DMD: variants seen among roughly 807,000 people sequenced by gnomAD.
The protein encoded by DMD is mutant dystrophin.
DMD carries 63 observed loss-of-function variants against 330.1 expected under a neutral mutation model. That is an observed-to-expected ratio of 0.19 (90% CI 0.16 to 0.24). The LOEUF (loss-of-function observed/expected upper bound fraction) is 0.24. Ranked by LOEUF, DMD falls within the 10% of genes least tolerant of loss-of-function variation. The pLI, the probability that DMD is intolerant of heterozygous loss-of-function variation, is 1.00. For missense variants in DMD, 3,344 were observed against 2,684.1 expected, an observed-to-expected ratio of 1.25 and a Z score of -5.43; for synonymous variants, 1,223 against 959.8, an observed-to-expected ratio of 1.27 and a Z score of -5.07.
At position 32,534,086 on chromosome X, in the gene DMD, T is replaced by A. The variant is rs373522110; in HGVS notation, c.2168+11073A>T. On this transcript the variant is annotated intron_variant, in intron 17 of 78. Coordinates refer to ENST00000357033, the MANE Select transcript of DMD (RefSeq NM_004006.3). The stretch of plus-strand genomic sequence containing the variant: ...TACTCATTGCTTAACAAAGCCGGTT[T>A]TTAGTCAGCTAGCACTTACATAACA... Among the ~76,000 whole-genome samples, 6 of 112,095 alleles carry A rather than the reference T, an allele frequency of 5.4e-5. No homozygotes were observed. In the East Asian group the frequency reaches 1.7e-3, roughly 32 times the overall value.
intron 44 of DMD, among the ~76,000 whole-genome samples, chrX:32,066,097 ATTAAC>A (rs967286369): frequency 9.0e-6 from 1 of 111,342 alleles, no homozygotes; most frequent in Non-Finnish European, 1.9e-5. Context: ...AATCAGATTG[ATTAAC>A]TTATCAGTGG....
At position 31,239,979 on chromosome X, in the gene DMD, A is replaced by G. The variant is rs766166774; in HGVS notation, c.9287-16858T>C. ...TCTCTGTACTTCTGATGATCAGCTT[A>G]ATTTCCCATTTGAATAATGATTTTT... is the stretch of plus-strand genomic sequence containing the variant. On this transcript the variant is annotated intron_variant, in intron 63 of 78. Coordinates refer to ENST00000357033, the MANE Select transcript of DMD (RefSeq NM_004006.3). 7.1e-5 allele frequency among the ~76,000 whole-genome samples: 8 copies of G among 112,059 alleles called. No homozygotes were observed. The Admixed American group carries it at 7.6e-4, about 11-fold the overall frequency.
At position 33,011,569 on chromosome X, in the gene DMD, A is replaced by G. The variant is rs73188271; in HGVS notation, c.93+8570T>C. On this transcript the variant is annotated intron_variant, in intron 2 of 78. Transcript: ENST00000357033. Reference sequence around the variant, plus strand: ...TTAAAGATTATGTTTTATTTTAATTATTTGTTGATGCAATTGTTTCCTTTC... The same window carrying G: ...TTAAAGATTATGTTTTATTTTAATTGTTTGTTGATGCAATTGTTTCCTTTC... Among the ~76,000 whole-genome samples, 381 of 112,406 alleles carry G rather than the reference A, an allele frequency of 3.4e-3. 1 individual carries two copies. The highest frequency in any genetic ancestry group is 5.2e-3 in the Non-Finnish European group (278 of 53,136).
At chrX:31,992,474 C>G (rs775991266) in intron 44 of DMD, among the ~76,000 whole-genome samples, 1 of 111,257 alleles carries the variant, frequency 9.0e-6, no homozygotes, top group Non-Finnish European at 1.9e-5. Context: ...GAAGTTATCC[C>G]TCATCATTGG....
chrX:32,555,396 T>C (rs1436423008), intron 16 of DMD, among the ~76,000 whole-genome samples: 1 of 111,491 alleles, frequency 9.0e-6, no homozygotes, highest in Admixed American at 9.5e-5. Flanking sequence ...AAGGATGCCA[T>C]CTCTCACCAC....
chrX:32,079,050 T>C (rs1177454179), intron 44 of DMD, among the ~76,000 whole-genome samples: 1 of 112,098 alleles, frequency 8.9e-6, no homozygotes, highest in Non-Finnish European at 1.9e-5. Context: ...TCAGATGCTA[T>C]ATAAACCCAA....
chrX:32,171,929 A>C (rs774171099), intron 44 of DMD, among the ~76,000 whole-genome samples: 9 of 111,934 alleles, frequency 8.0e-5, no homozygotes, highest in Non-Finnish European at 1.5e-4. Context: ...ATTAAAGAAA[A>C]AAATCAAATT....
intron 44 of DMD, among the ~76,000 whole-genome samples, chrX:32,002,599 C>G (rs753898358): frequency 3.6e-5 from 4 of 111,148 alleles, no homozygotes; most frequent in African/African-American, 6.5e-5. Flanking sequence ...ACAGCTATGT[C>G]TGGGGTCTTA....
intron 44 of DMD, among the ~76,000 whole-genome samples, chrX:32,137,209 C>T (rs2096730822): frequency 9.0e-6 from 1 of 111,010 alleles, no homozygotes; most frequent in Admixed American, 9.6e-5. Flanking sequence ...TTAATTCCTC[C>T]CACCTGATTT....
At chrX:32,777,984 C>A (rs2074344984) in intron 7 of DMD, among the ~76,000 whole-genome samples, 1 of 111,793 alleles carries the variant, frequency 8.9e-6, no homozygotes, top group Admixed American at 9.5e-5. Context: ...GCAATCCCAG[C>A]AAGAATTCTA....
At position 32,485,113 on chromosome X, in the gene DMD, T is replaced by G. The variant is rs369130309; in HGVS notation, c.2623-14A>C. On this transcript the variant is annotated splice_polypyrimidine_tract_variant and intron_variant, in intron 20 of 78. Transcript: ENST00000357033. ...GTTGACTTCATCCTGTGCCATAGAG[T>G]ATGGAAAGTAAGTAACACGTTTACT... 1.7e-6 allele frequency: 2 copies of G among 1,198,474 alleles called. No homozygotes were observed. Among genetic ancestry groups the G allele is most frequent in the African/African-American group, 3.5e-5 (2 of 56,908 alleles).
chrX:31,638,816 G>T (rs113592598), intron 54 of DMD, among the ~76,000 whole-genome samples: 50 of 112,163 alleles, frequency 4.5e-4, no homozygotes, highest in African/African-American at 1.5e-3. Context: ...GTCTTGGACA[G>T]CTACAATAAT....
chrX:31,982,265 G>A (rs2095480614), intron 44 of DMD, among the ~76,000 whole-genome samples: 1 of 111,701 alleles, frequency 9.0e-6, no homozygotes. Flanking sequence ...TGTACAAGGA[G>A]CAGCATGACA....
intron 9 of DMD, among the ~76,000 whole-genome samples, chrX:32,656,795 T>G (rs1021547081): frequency 8.9e-6 from 1 of 111,801 alleles, no homozygotes; most frequent in Non-Finnish European, 1.9e-5. Flanking sequence ...CTAAATTGTT[T>G]GGGGTAATTT....
chrX:32,510,646 C>A (rs1372480632), intron 18 of DMD, among the ~76,000 whole-genome samples: 3 of 111,517 alleles, frequency 2.7e-5, no homozygotes, highest in Non-Finnish European at 5.6e-5. Context: ...ATATTATGGT[C>A]TCTCCCCTTA....
intron 47 of DMD, among the ~76,000 whole-genome samples, chrX:31,876,832 A>G (rs1013498327): frequency 3.6e-5 from 4 of 112,214 alleles, no homozygotes; most frequent in African/African-American, 9.7e-5. Context: ...TTGTAATGAT[A>G]GCTCTTTACG....
chrX:31,491,134 G>GATGAAA lies in DMD; in HGVS notation c.8547+5648_8547+5653dup, dbSNP rs1295095843. ...ATTATAGAGATTTTTTTAATTGAAA[G>GATGAAA]ATGAAAACCTAGTGACAAACAATTT... On this transcript the variant is annotated intron_variant, in intron 57 of 78. Transcript: ENST00000357033. Among the ~76,000 whole-genome samples the GATGAAA allele has an allele frequency of 4.5e-5, 5 of 112,004 alleles. No homozygotes were observed. In the Admixed American group the frequency reaches 4.7e-4, roughly 11 times the overall value.
chrX:31,373,863 T>C (rs1452668760), intron 60 of DMD, among the ~76,000 whole-genome samples: 1 of 108,826 alleles, frequency 9.2e-6, no homozygotes, highest in East Asian at 2.9e-4. Flanking sequence ...CAAAAGAAAC[T>C]ACCATCAGAG....
chrX:31,958,400 C>CTT (rs1396969725), intron 45 of DMD, among the ~76,000 whole-genome samples: 1 of 111,508 alleles, frequency 9.0e-6, no homozygotes, highest in Non-Finnish European at 1.9e-5. Flanking sequence ...GGGCTCATTT[C>CTT]TTATCTGCAA....
Sources: allele counts gnomAD v4.1 joint callset (sites outside exome capture counted in the v4.1 genomes callset), GRCh38; gene constraint gnomAD v4.1.1; transcripts MANE v1.5; gene names NCBI Gene and HGNC (gene_info 2026-07-23, HGNC 2026-07-21).